RBMS1: variants seen among roughly 807,000 people sequenced by gnomAD.
RBMS1 encodes RNA binding motif single stranded interacting protein 1, also known as RNA-binding motif, single-stranded-interacting protein 1.
RBMS1 carries 17 observed loss-of-function variants against 62.3 expected under a neutral mutation model. The observed-to-expected ratio is 0.27, with a 90% CI of 0.19 to 0.41. RBMS1 has a LOEUF of 0.41. Among genes scored for constraint, RBMS1 ranks in the 10% least tolerant of loss-of-function variants. The pLI, the probability that RBMS1 is intolerant of heterozygous loss-of-function variation, is 1.00. For synonymous variants in RBMS1, 172 were observed against 170.0 expected (o/e 1.01, Z -0.09); for missense variants, 334 against 504.5 (o/e 0.66, Z 3.24).
rs1235070837 is a variant in RBMS1, at chr2:160,274,459, C to G, written c.*313G>C. 3.7e-5 allele frequency: 5 copies of G among 133,350 alleles called. No individual in the cohort carries two copies. The South Asian group carries it at 1.2e-3, about 33-fold the overall frequency. The allele number at this position is 133,350 out of a possible 1,614,324, so 8.3% of individuals were successfully genotyped here. A position where few individuals can be genotyped will look rare whatever the true frequency, so the allele number is the denominator to read the frequency against. On this transcript the variant is annotated 3_prime_UTR_variant, in exon 14 of 14. Transcript: ENST00000348849. ...ACCCAGAAAATTGAAGTTTTCTTTT[C>G]TTTTTTTTTTTCTTTTTCTTTTTTT...
At chr2:160,449,331 C>G (rs1269985583) in intron 1 of RBMS1, among the ~76,000 whole-genome samples, 1 of 152,228 alleles carries the variant, frequency 6.6e-6, no homozygotes, top group Non-Finnish European at 1.5e-5. Context: ...GAGGTGTACC[C>G]AACAGCTCAT....
chr2:160,407,866 G>A lies in RBMS1; in HGVS notation c.76-40475C>T, dbSNP rs959058594. On this transcript the variant is annotated intron_variant, in intron 1 of 13. Coordinates refer to ENST00000348849, the MANE Select transcript of RBMS1 (RefSeq NM_016836.4). Reference sequence around the variant, plus strand: ...CCGGCGGCAGCGGAGGAGCAGCGCCGCCGCGTCCCCACCTACCGCGGCCTC... The same window carrying A: ...CCGGCGGCAGCGGAGGAGCAGCGCCACCGCGTCCCCACCTACCGCGGCCTC... 8.0e-5 allele frequency: 78 copies of A among 981,116 alleles called. No individual in the cohort carries two copies. The Admixed American group carries it at 1.7e-3, about 21-fold the overall frequency. 60.8% of individuals were successfully genotyped at this position (981,116 alleles called of 1,614,324 possible).
chr2:160,311,986 T>C (rs1027223378), intron 4 of RBMS1, among the ~76,000 whole-genome samples: 4 of 152,236 alleles, frequency 2.6e-5, no homozygotes, highest in African/African-American at 4.8e-5. Context: ...ATGTGTATTA[T>C]AGAATGTAAG....
intron 1 of RBMS1, chr2:160,407,835 A>G: frequency 2.0e-6 from 2 of 979,540 alleles, no homozygotes; most frequent in Non-Finnish European, 2.4e-6. Flanking sequence ...GGCGTCGCCG[A>G]CTCTCCCGGC....
intron 9 of RBMS1, 115 bp downstream of exon 9, chr2:160,284,660 C>T: frequency 1.2e-6 from 1 of 834,466 alleles, no homozygotes; most frequent in Non-Finnish European, 2.0e-6. Context: ...ATCCAAGCTG[C>T]ATAATATTTG....
intron 1 of RBMS1, among the ~76,000 whole-genome samples, chr2:160,368,147 C>A (rs11693602): frequency 1.3e-5 from 2 of 151,918 alleles, no homozygotes; most frequent in African/African-American, 2.4e-5. Flanking sequence ...TGTGCACCGA[C>A]TGAAAGAAAC....
chr2:160,474,205 A>G (rs964390646), intron 1 of RBMS1, among the ~76,000 whole-genome samples: 2 of 152,208 alleles, frequency 1.3e-5, no homozygotes, highest in African/African-American at 2.4e-5. Flanking sequence ...CATTACAACC[A>G]CGAGTCTAGA....
At position 160,281,320 on chromosome 2, in the gene RBMS1, CT is replaced by C; in HGVS notation, c.944del (p.Gln315ArgfsTer7). 1 of 1,606,014 alleles carries C rather than the reference CT, an allele frequency of 6.2e-7. No individual in the cohort carries two copies. Among genetic ancestry groups the C allele is most frequent in the East Asian group, 2.2e-5 (1 of 44,694 alleles). ...ATTAAGATAAAAAACTTACAGGGTGCTGTAGAATATATGGTTGAGGTTGCAT... is the reference window on the plus strand; with the variant it reads ...ATTAAGATAAAAAACTTACAGGGTGCGTAGAATATATGGTTGAGGTTGCAT... ...SWMQPQPYIL[Q>X]HPGAVLTPSM... On this transcript the variant is annotated frameshift_variant, in exon 10 of 14. Transcript: ENST00000348849. LOFTEE classifies it high-confidence loss of function.
At chr2:160,387,361 A>T (rs1355007282) in intron 1 of RBMS1, among the ~76,000 whole-genome samples, 1 of 151,878 alleles carries the variant, frequency 6.6e-6, no homozygotes. Context: ...GAATTGGGTA[A>T]ATCTCCACAT....
intron 1 of RBMS1, among the ~76,000 whole-genome samples, chr2:160,392,717 T>C (rs1459490236): frequency 6.6e-6 from 1 of 152,088 alleles, no homozygotes; most frequent in South Asian, 2.1e-4. Context: ...CATAGTGAGA[T>C]CTTATCTCTA....
rs1311445055 is a variant in RBMS1, at chr2:160,274,080, G to C, written c.*692C>G. 6.6e-6 allele frequency: 1 copy of C among 152,570 alleles called. No individual in the cohort carries two copies. The highest frequency in any genetic ancestry group is 2.4e-5 in the African/African-American group (1 of 41,428). The allele number at this position is 152,570 out of a possible 1,614,324, so 9.5% of individuals were successfully genotyped here. On this transcript the variant is annotated 3_prime_UTR_variant, in exon 14 of 14. Transcript: ENST00000348849. ...TGCTGCTGTTTTACAAGGCATAATA[G>C]ACCAGCTCATTTGGTCAAAGCATTC... is the stretch of plus-strand genomic sequence containing the variant.
intron 1 of RBMS1, among the ~76,000 whole-genome samples, chr2:160,481,616 A>G (rs1685374888): frequency 1.3e-5 from 2 of 152,208 alleles, no homozygotes; most frequent in Non-Finnish European, 2.9e-5. Context: ...AACCCAATTT[A>G]AAAAGTGAAC....
intron 11 of RBMS1, 81 bp from the exon 12 acceptor site, chr2:160,277,464 A>G: frequency 3.8e-6 from 4 of 1,044,906 alleles, no homozygotes; most frequent in Admixed American, 1.8e-5. Context: ...TGAGATGGAT[A>G]TAATGTATTT....
At chr2:160,296,983 G>C (rs1285774482) in intron 6 of RBMS1, among the ~76,000 whole-genome samples, 4 of 152,132 alleles carry the variant, frequency 2.6e-5, no homozygotes, top group African/African-American at 9.7e-5. Context: ...CAGGTGGCCA[G>C]GGTAGCAGTT....
chr2:160,364,561 C>T (rs1693299122), intron 2 of RBMS1, among the ~76,000 whole-genome samples: 2 of 152,174 alleles, frequency 1.3e-5, no homozygotes, highest in African/African-American at 4.8e-5. Flanking sequence ...TCTTTCGAGT[C>T]TGGGTGGGGC....
intron 2 of RBMS1, among the ~76,000 whole-genome samples, chr2:160,323,003 T>C (rs375315808): frequency 8.3e-4 from 126 of 152,228 alleles, no homozygotes; most frequent in African/African-American, 3.0e-3. Context: ...CTCATTTTAC[T>C]TGCAGTAAGA....
chr2:160,283,586 A>G (rs1401621545), intron 9 of RBMS1: 1 of 152,204 alleles, frequency 6.6e-6, no homozygotes, highest in Non-Finnish European at 1.5e-5. Context: ...GTATCTAATC[A>G]CTTCTGTTAT....
intron 1 of RBMS1, among the ~76,000 whole-genome samples, chr2:160,472,026 G>A (rs1182912642): frequency 6.6e-6 from 1 of 151,986 alleles, no homozygotes; most frequent in Non-Finnish European, 1.5e-5. Flanking sequence ...GTATGAAGCA[G>A]TTAAATCCTC....
intron 1 of RBMS1, among the ~76,000 whole-genome samples, chr2:160,467,342 A>G (rs1027114990): frequency 2.0e-5 from 3 of 152,206 alleles, no homozygotes; most frequent in African/African-American, 7.2e-5. Context: ...CAAGGAGAAG[A>G]ACCAGGATTT....
Sources: allele counts gnomAD v4.1 joint callset (sites outside exome capture counted in the v4.1 genomes callset), GRCh38; gene constraint gnomAD v4.1.1; transcripts MANE v1.5; gene names NCBI Gene and HGNC (gene_info 2026-07-23, HGNC 2026-07-21).